Variants in CLPSL1 observed in about 807,000 individuals in gnomAD.
CLPSL1 encodes the protein colipase-like protein 1.
A neutral mutation model predicts 9.3 loss-of-function variants in CLPSL1; 13 were observed. That is an observed-to-expected ratio of 1.40 (90% CI 0.91 to 2.22). The LOEUF (loss-of-function observed/expected upper bound fraction) is 2.22, where lower values mean the gene tolerates loss of function less well. Among genes scored for constraint, CLPSL1 ranks in the 30% most tolerant of loss-of-function variants. The pLI is 0.00. For missense variants in CLPSL1, 164 were observed against 146.6 expected (o/e 1.12, Z -0.61); for synonymous variants, 58 against 56.9 (o/e 1.02, Z -0.08).
downstream of CLPSL1, among the ~76,000 whole-genome samples, chr6:35,789,830 G>T (rs947875085): frequency 6.6e-6 from 1 of 152,196 alleles, no homozygotes; most frequent in Non-Finnish European, 1.5e-5. Flanking sequence ...GGAGGTGGAG[G>T]TTGCAGTGAG....
downstream of CLPSL1, among the ~76,000 whole-genome samples, chr6:35,791,377 G>A (rs923311143): frequency 6.6e-6 from 1 of 152,232 alleles, no homozygotes; most frequent in Non-Finnish European, 1.5e-5. Flanking sequence ...TTGGGAGGCT[G>A]AGGCAGGCGG....
rs1561941792 is a variant in CLPSL1 at position 35,787,907 on chromosome 6, AC to A, written c.265del (p.Leu89Ter). The A allele has an allele frequency of 2.5e-6, 4 of 1,608,890 alleles. No homozygotes were observed. In the Admixed American group the frequency reaches 6.7e-5, roughly 27 times the overall value. On this transcript the variant is annotated frameshift_variant, in exon 3 of 3. Transcript: ENST00000373861. LOFTEE classifies it low-confidence loss of function (END_TRUNC). ...GQYRACPCLR[N>X]LTCIYSKNEK... The stretch of plus-strand genomic sequence containing the variant: ...TATAGAGCGTGTCCCTGCCTGCGGA[AC>A]CTGACTTGTATATATTCAAAGAATG...
chr6:35,790,433 A>G (rs565440755), downstream of CLPSL1, among the ~76,000 whole-genome samples: 3 of 152,402 alleles, frequency 2.0e-5, no homozygotes, highest in South Asian at 4.1e-4. Flanking sequence ...CTTTTCCTCT[A>G]TCCTCTTAGG....
chr6:35,783,806 CAA>C lies in CLPSL1; in HGVS notation c.99+2617_99+2618del, dbSNP rs778575275. Among the ~76,000 whole-genome samples the C allele has an allele frequency of 1.3e-3, 134 of 106,032 alleles. 1 individual carries two copies. The East Asian group carries it at 0.024, about 19-fold the overall frequency. The allele number at this position is 106,032 out of a possible 152,430, so 69.6% of individuals were successfully genotyped here. ...CTGGGCGACGGCGAGACTCTATCTCCAAAAAAAAAAAAAAAAAAAAATCTGAC... is the reference window on the plus strand; with the variant it reads ...CTGGGCGACGGCGAGACTCTATCTCCAAAAAAAAAAAAAAAAAAATCTGAC... On this transcript the variant is annotated intron_variant, in intron 1 of 2. Coordinates refer to ENST00000373861, the MANE Select transcript of CLPSL1 (RefSeq NM_001010886.5).
At chr6:35,786,327 T>C (rs1208010464) in intron 1 of CLPSL1, among the ~76,000 whole-genome samples, 1 of 152,250 alleles carries the variant, frequency 6.6e-6, no homozygotes, top group Non-Finnish European at 1.5e-5. Context: ...CAGTAGTGGC[T>C]AGTGGCTATT....
chr6:35,781,100 A>G lies in CLPSL1; in HGVS notation c.-11A>G. On this transcript the variant is annotated 5_prime_UTR_variant, in exon 1 of 3. Coordinates refer to ENST00000373861, the MANE Select transcript of CLPSL1 (RefSeq NM_001010886.5). ...GCTGGACCCTAGAAAAGCCACCACG[A>G]CCTGTGGGCCATGATGCTACCCCAA... The G allele has an allele frequency of 6.2e-7, 1 of 1,613,488 alleles. No homozygotes were observed. The highest frequency in any genetic ancestry group is 8.5e-7 in the Non-Finnish European group (1 of 1,179,696).
chr6:35,792,095 A>G (rs9462118), downstream of CLPSL1, among the ~76,000 whole-genome samples: 79,368 of 150,386 alleles, frequency 0.53, 16,159 homozygotes, highest in African/African-American at 0.71. Flanking sequence ...TCCCCCCGCC[A>G]CAAAAATAAA....
Position 35,787,006 on chromosome 6 carries a change from G to C in CLPSL1, c.108G>C (p.Lys36Asn), listed in dbSNP as rs1244760364. 1 of 1,580,896 alleles carries C rather than the reference G, an allele frequency of 6.3e-7. No individual in the cohort carries two copies. Among genetic ancestry groups the C allele is most frequent in the Non-Finnish European group, 8.6e-7 (1 of 1,165,330 alleles). The change falls in exon 2 of 3, where the codon AAG becomes AAC. Residue 36 changes from lysine (K) to asparagine (N), a missense_variant. By Grantham distance (94) the Lys-to-Asn change is moderately conservative (BLOSUM62 0). Transcript: ENST00000373861. ...SPTKYNLLEL[K>N]ESCIRNQDCE... ...CGTGTCCCTCCCTGCAGGAGCTCAAGGAGTCTTGCATCCGGAACCAGGACT... is the reference window on the plus strand; with the variant it reads ...CGTGTCCCTCCCTGCAGGAGCTCAACGAGTCTTGCATCCGGAACCAGGACT...
chr6:35,793,502 A>G (rs775635766), exon 2 of CLPSL1: 16 of 471,570 alleles, frequency 3.4e-5, no homozygotes, highest in African/African-American at 3.2e-4. Context: ...CAGCTACTCC[A>G]TGCTTCCTGC....
Position 35,785,971 on chromosome 6 carries a change from GGAAA to G in CLPSL1, c.100-1020_100-1017del, listed in dbSNP as rs1271228314. Among the ~76,000 whole-genome samples, 51 of 146,866 alleles carry G rather than the reference GGAAA, an allele frequency of 3.5e-4. 2 individuals carry two copies. In the South Asian group the frequency reaches 5.8e-3, roughly 17 times the overall value. On this transcript the variant is annotated intron_variant, in intron 1 of 2. Transcript: ENST00000373861. ...CAAAAAAAAAAAAAAAAAAAGGAAA[GGAAA>G]GAAAGAGGGTTGGGCGCGGTGGCTC... is the stretch of plus-strand genomic sequence containing the variant.
chr6:35,787,832 C>T (rs369132151), intron 2 of CLPSL1, 35 bp from the exon 3 acceptor site: 45 of 1,594,634 alleles, frequency 2.8e-5, no homozygotes, highest in African/African-American at 8.1e-5. Context: ...GAAGAGCTGC[C>T]GCCAAGGTCG....
chr6:35,793,723 T>C, downstream of CLPSL1: 2 of 398,170 alleles, frequency 5.0e-6, no homozygotes, highest in Non-Finnish European at 5.1e-6. Context: ...TCCTAACTCA[T>C]AAGCCTGTGG....
chr6:35,788,715 G>A (rs1202807800), downstream of CLPSL1, among the ~76,000 whole-genome samples: 2 of 152,238 alleles, frequency 1.3e-5, no homozygotes, highest in Non-Finnish European at 1.5e-5. Context: ...AGGAAGGAGA[G>A]CCTAGGAAAG....
At chr6:35,788,832 G>A (rs1484548150), downstream of CLPSL1, among the ~76,000 whole-genome samples, 3 of 152,284 alleles carry the variant, frequency 2.0e-5, no homozygotes, top group African/African-American at 7.2e-5. Flanking sequence ...TTTGGAGTTA[G>A]ATGCTAGCTC....
At chr6:35,790,145 A>G (rs1768159146), downstream of CLPSL1, among the ~76,000 whole-genome samples, 1 of 152,200 alleles carries the variant, frequency 6.6e-6, no homozygotes, top group Non-Finnish European at 1.5e-5. Flanking sequence ...CATGTTGCCC[A>G]GGCTGGTCTC....
At chr6:35,783,482 C>G (rs1768006103) in intron 1 of CLPSL1, among the ~76,000 whole-genome samples, 1 of 150,938 alleles carries the variant, frequency 6.6e-6, no homozygotes, top group South Asian at 2.1e-4. Flanking sequence ...TGCACTCCAG[C>G]CTGGGCAGTA....
At chr6:35,782,911 C>G (rs117934980) in intron 1 of CLPSL1, among the ~76,000 whole-genome samples, 1 of 151,904 alleles carries the variant, frequency 6.6e-6, no homozygotes, top group African/African-American at 2.4e-5. Flanking sequence ...AGCACATAAT[C>G]GTACATAATA....
At chr6:35,793,425 C>CA (rs10642987) in intron 1 of CLPSL1, 38,680 of 399,454 alleles carry the variant, frequency 0.097, 1,303 homozygotes, top group East Asian at 0.18. Flanking sequence ...AACTCTGTCT[C>CA]AAAAAAAAAA....
At position 35,781,077 on chromosome 6, in the gene CLPSL1, T is replaced by C. The variant is rs377747677; in HGVS notation, c.-34T>C. On this transcript the variant is annotated 5_prime_UTR_variant, in exon 1 of 3. Coordinates refer to ENST00000373861, the MANE Select transcript of CLPSL1 (RefSeq NM_001010886.5). The stretch of plus-strand genomic sequence containing the variant: ...ATGGTCGGCGTGCAGGATATTTCGC[T>C]GGACCCTAGAAAAGCCACCACGACC... The C allele has an allele frequency of 2.5e-6, 4 of 1,611,682 alleles. No homozygotes were observed. The highest frequency in any genetic ancestry group is 3.4e-6 in the Non-Finnish European group (4 of 1,178,850).
Sources: allele counts gnomAD v4.1 joint callset (sites outside exome capture counted in the v4.1 genomes callset), GRCh38; gene constraint gnomAD v4.1.1; transcripts MANE v1.5; gene names NCBI Gene and HGNC (gene_info 2026-07-23, HGNC 2026-07-21).